The following DIAPH2 variants were observed in gnomAD, a reference collection of about 807,000 sequenced individuals.
DIAPH2 encodes protein diaphanous homolog 2.
Under a neutral mutation model 92.7 loss-of-function variants are expected in DIAPH2, and 35 were observed. That is an observed-to-expected ratio of 0.38 (90% CI 0.29 to 0.50). The LOEUF (loss-of-function observed/expected upper bound fraction) is 0.50. Among genes scored for constraint, DIAPH2 ranks in the 20% least tolerant of loss-of-function variants. The probability of loss-of-function intolerance (pLI) is 0.94; values close to 1 mark genes in which losing one functional copy is unlikely to be tolerated. For missense variants in DIAPH2, 701 were observed against 819.5 expected, an observed-to-expected ratio of 0.86 and a Z score of 1.77; for synonymous variants, 301 against 280.4, an observed-to-expected ratio of 1.07 and a Z score of -0.73.
intron 21 of DIAPH2, among the ~76,000 whole-genome samples, chrX:97,117,855 G>C (rs1274032055): frequency 9.0e-6 from 1 of 111,720 alleles, no homozygotes; most frequent in Non-Finnish European, 1.9e-5. Context: ...GTGCTGAACT[G>C]TAATAAAAAT....
At chrX:97,447,359 G>A (rs1479300464) in intron 26 of DIAPH2, among the ~76,000 whole-genome samples, 1 of 110,796 alleles carries the variant, frequency 9.0e-6, no homozygotes, top group Non-Finnish European at 1.9e-5. Flanking sequence ...CAGCAGGGAA[G>A]TTCCAGCTTT....
At chrX:96,968,021 A>G (rs956063569) in intron 17 of DIAPH2, among the ~76,000 whole-genome samples, 6 of 109,838 alleles carry the variant, frequency 5.5e-5, no homozygotes, top group Non-Finnish European at 1.1e-4. Context: ...CCAACAGTAT[A>G]TAAGTGTTCT....
intron 22 of DIAPH2, among the ~76,000 whole-genome samples, chrX:97,219,457 G>T (rs2067907987): frequency 9.0e-6 from 1 of 111,621 alleles, no homozygotes. Context: ...ATAAAAGAAA[G>T]TGAATAGATG....
At chrX:97,041,707 A>C (rs1465091068) in intron 17 of DIAPH2, among the ~76,000 whole-genome samples, 1 of 111,682 alleles carries the variant, frequency 9.0e-6, no homozygotes, top group Non-Finnish European at 1.9e-5. Context: ...TTTTACCTAA[A>C]CCAAGCATTC....
intron 26 of DIAPH2, among the ~76,000 whole-genome samples, chrX:97,522,832 A>G (rs781651112): frequency 1.2e-4 from 13 of 112,730 alleles, no homozygotes; most frequent in Non-Finnish European, 2.2e-4. Context: ...TTGGAGAAAT[A>G]AGATACTGTT....
intron 17 of DIAPH2, among the ~76,000 whole-genome samples, chrX:96,989,721 T>C (rs1034353435): frequency 8.9e-6 from 1 of 111,750 alleles, no homozygotes; most frequent in East Asian, 2.8e-4. Flanking sequence ...ATTTGATTAG[T>C]GAACTCCAAA....
intron 3 of DIAPH2, among the ~76,000 whole-genome samples, chrX:96,742,777 G>A (rs972390979): frequency 1.8e-5 from 2 of 108,716 alleles, no homozygotes; most frequent in African/African-American, 6.7e-5. Context: ...AACGATTCTC[G>A]TGCCTCAGCT....
chrX:97,463,320 A>T (rs918907705), intron 26 of DIAPH2, among the ~76,000 whole-genome samples: 71 of 103,417 alleles, frequency 6.9e-4, no homozygotes, highest in African/African-American at 2.4e-3. Context: ...TGACAAGCCT[A>T]GGATGGTTCC....
rs144274907 is a variant in DIAPH2 at position 97,410,449 on chromosome X, G to A, written c.3146-19201G>A. ...CAAATGTAGAGAAAACCACAAAGATGGGGAGAAACCAGAGCAGAAAAGGTG... is the reference window on the plus strand; with the variant it reads ...CAAATGTAGAGAAAACCACAAAGATAGGGAGAAACCAGAGCAGAAAAGGTG... On this transcript the variant is annotated intron_variant, in intron 25 of 26. Transcript: ENST00000324765. Among the ~76,000 whole-genome samples, 766 of 112,103 alleles carry A rather than the reference G, an allele frequency of 6.8e-3. 7 individuals are homozygous for A. The highest frequency in any genetic ancestry group is 0.024 in the African/African-American group (728 of 30,838).
At chrX:97,362,381 ATG>A (rs750187128) in intron 24 of DIAPH2, among the ~76,000 whole-genome samples, 34 of 112,631 alleles carry the variant, frequency 3.0e-4, no homozygotes, top group African/African-American at 1.1e-3. Context: ...AGAAAAATAA[ATG>A]AGATGTTATC....
intron 3 of DIAPH2, 53 bp from the exon 4 acceptor site, chrX:96,758,101 A>C: frequency 1.0e-6 from 1 of 1,001,707 alleles, no homozygotes; most frequent in East Asian, 3.2e-5. Flanking sequence ...ATCACTTTTG[A>C]AGCTCTTAAG....
chrX:97,076,668 A>G (rs762485609), intron 19 of DIAPH2, among the ~76,000 whole-genome samples: 4 of 112,220 alleles, frequency 3.6e-5, no homozygotes, highest in African/African-American at 1.3e-4. Flanking sequence ...TGAGCAAGTG[A>G]TGTCTCTGTG....
intron 4 of DIAPH2, among the ~76,000 whole-genome samples, chrX:96,839,587 A>G (rs886901766): frequency 1.4e-4 from 16 of 112,034 alleles, no homozygotes; most frequent in Non-Finnish European, 3.0e-4. Context: ...AAACAATTAA[A>G]TACCTAATTT....
chrX:96,719,745 C>T (rs1047033688), intron 1 of DIAPH2, among the ~76,000 whole-genome samples: 11 of 111,235 alleles, frequency 9.9e-5, no homozygotes, highest in Non-Finnish European at 1.5e-4. Flanking sequence ...TTCTTTTTTT[C>T]TCAGCATAGC....
rs866358164 is a variant in DIAPH2, at chrX:97,509,110, G to A, written c.3241+79365G>A. Among the ~76,000 whole-genome samples, 8 of 108,717 alleles carry A rather than the reference G, an allele frequency of 7.4e-5. 1 individual carries two copies. Among genetic ancestry groups the A allele is most frequent in the Non-Finnish European group, 1.1e-4 (6 of 52,443 alleles). 94.4% of individuals were successfully genotyped at this position (108,717 alleles called of 115,157 possible). On this transcript the variant is annotated intron_variant, in intron 26 of 26. Coordinates refer to ENST00000324765, the MANE Select transcript of DIAPH2 (RefSeq NM_006729.5). ...CGCCGAGGCTGGAGTGCAGTGGTGC[G>A]ATCTTGGCTCACTGCAACCTCCGCC...
intron 24 of DIAPH2, among the ~76,000 whole-genome samples, chrX:97,374,777 C>T (rs1418574495): frequency 8.9e-6 from 1 of 111,850 alleles, no homozygotes; most frequent in African/African-American, 3.3e-5. Flanking sequence ...GGCTTCCTTC[C>T]TTTCCTTAAT....
At chrX:96,989,882 G>GT (rs1329215960) in intron 17 of DIAPH2, among the ~76,000 whole-genome samples, 1 of 111,938 alleles carries the variant, frequency 8.9e-6, no homozygotes, top group African/African-American at 3.2e-5. Flanking sequence ...TAGTAGTGGA[G>GT]TTTTTTGTCT....
chrX:96,860,311 A>G (rs1157713341), intron 4 of DIAPH2, among the ~76,000 whole-genome samples: 1 of 112,179 alleles, frequency 8.9e-6, no homozygotes, highest in Non-Finnish European at 1.9e-5. Context: ...GGAAGCATCT[A>G]GGTTTGGATA....
intron 25 of DIAPH2, among the ~76,000 whole-genome samples, chrX:97,394,501 T>C (rs1051006441): frequency 1.8e-5 from 2 of 111,764 alleles, no homozygotes; most frequent in African/African-American, 6.5e-5. Context: ...CTCTTTGTTC[T>C]CTAGATTTGA....
Sources: gnomAD v4.1 joint callset for allele counts (sites outside exome capture counted in the v4.1 genomes callset) on GRCh38, gnomAD v4.1.1 for gene constraint, MANE v1.5 for transcripts, NCBI Gene and HGNC (gene_info 2026-07-23, HGNC 2026-07-21) for gene names.